Variants in THSD7A observed in about 807,000 individuals in gnomAD.
THSD7A encodes thrombospondin type 1 domain containing 7A.
Under a neutral mutation model 231.3 loss-of-function variants are expected in THSD7A, and 96 were observed. That is an observed-to-expected ratio of 0.41 (90% CI 0.35 to 0.49). The LOEUF (loss-of-function observed/expected upper bound fraction) is 0.49, where lower values mean the gene tolerates loss of function less well. Ranked by LOEUF, THSD7A falls within the 20% of genes least tolerant of loss-of-function variation. The probability of loss-of-function intolerance (pLI) is 0.05; values close to 1 mark genes in which losing one functional copy is unlikely to be tolerated. For missense variants in THSD7A, 2,290 were observed against 2,070.2 expected, an observed-to-expected ratio of 1.11 and a Z score of -2.06; for synonymous variants, 940 against 743.3, an observed-to-expected ratio of 1.26 and a Z score of -4.30.
In THSD7A at chr7:11,407,381, C is replaced by G; in HGVS notation, c.3841G>C (p.Val1281Leu). The G allele has an allele frequency of 6.2e-7, 1 of 1,613,572 alleles. No homozygotes were observed. Among genetic ancestry groups the G allele is most frequent in the Non-Finnish European group, 8.5e-7 (1 of 1,179,782 alleles). Residue 1281 changes from valine to leucine, a missense_variant, in exon 20 of 28, where the codon GTG (valine) becomes CTG (leucine). Coordinates refer to ENST00000423059, the MANE Select transcript of THSD7A (RefSeq NM_015204.3). The stretch of plus-strand genomic sequence containing the variant: ...AGCTGACAGTTCACAGGGCATTCCA[C>G]CATGCAGGACGTGTTCATCTGCCAG... ...KNWQMNTSCMVECPVNCQLSD... is the reference protein window; with the variant it reads ...KNWQMNTSCMLECPVNCQLSD...
In THSD7A at chr7:11,637,682, T is replaced by A. The variant is rs1031174588; in HGVS notation, c.191-721A>T. Among the ~76,000 whole-genome samples the A allele has an allele frequency of 4.6e-5, 7 of 152,208 alleles. No homozygotes were observed. The highest frequency in any genetic ancestry group is 1.3e-4 in the Admixed American group (2 of 15,278). ...ATTTTCTAATCATTGAGAGGTTATT[T>A]GGGGTCTTATTTATTTATTCATTTC... On this transcript the variant is annotated intron_variant, in intron 1 of 27. Transcript: ENST00000423059. The surrounding 1 kb of genome is among the most constrained non-coding windows in gnomAD (Gnocchi z 4.2).
intron 1 of THSD7A, among the ~76,000 whole-genome samples, chr7:11,796,428 C>G (rs769944909): frequency 9.9e-5 from 15 of 151,702 alleles, no homozygotes; most frequent in Admixed American, 6.6e-4. Context: ...CGACAGAAAT[C>G]CATTGCTATT....
At chr7:11,580,770 ATAAC>A (rs1243479443) in intron 4 of THSD7A, among the ~76,000 whole-genome samples, 1 of 152,102 alleles carries the variant, frequency 6.6e-6, no homozygotes, top group East Asian at 1.9e-4. Flanking sequence ...ATCAGGAAAA[ATAAC>A]TAACTAATGG....
At chr7:11,763,749 C>T (rs760930892) in intron 1 of THSD7A, among the ~76,000 whole-genome samples, 14 of 152,008 alleles carry the variant, frequency 9.2e-5, no homozygotes, top group Non-Finnish European at 1.6e-4. Context: ...AAATACGGTT[C>T]CTGCCTTTCT....
At chr7:11,443,786 C>T (rs1784877746) in intron 13 of THSD7A, among the ~76,000 whole-genome samples, 1 of 152,058 alleles carries the variant, frequency 6.6e-6, no homozygotes, top group South Asian at 2.1e-4. Context: ...AGAGTACATA[C>T]ATACTCCTGT....
chr7:11,550,859 T>C (rs1789599128), intron 4 of THSD7A, among the ~76,000 whole-genome samples: 1 of 152,096 alleles, frequency 6.6e-6, no homozygotes, highest in South Asian at 2.1e-4. Context: ...CTGAAATTAA[T>C]ATGGAACTGA....
chr7:11,696,015 T>C (rs906576459), intron 1 of THSD7A, among the ~76,000 whole-genome samples: 1 of 151,514 alleles, frequency 6.6e-6, no homozygotes, highest in Non-Finnish European at 1.5e-5. Context: ...AAGATTGTGA[T>C]ATAATATGAG....
chr7:11,458,244 G>T (rs1169009002), intron 11 of THSD7A, among the ~76,000 whole-genome samples: 1 of 152,020 alleles, frequency 6.6e-6, no homozygotes, highest in Non-Finnish European at 1.5e-5. Flanking sequence ...GATGAAAATA[G>T]CAAGAACTTG....
chr7:11,812,010 G>A lies in THSD7A; in HGVS notation c.190+19747C>T, dbSNP rs745748176. ...AAACACAACACAGGTGGTCAGACAA[G>A]GGAGGTGGGAGAGAAAAGAACCACT... On this transcript the variant is annotated intron_variant, in intron 1 of 27. Transcript: ENST00000423059. 5.3e-5 allele frequency among the ~76,000 whole-genome samples: 8 copies of A among 152,074 alleles called. No individual in the cohort carries two copies. The East Asian group carries it at 1.2e-3, about 22-fold the overall frequency.
chr7:11,778,173 A>G (rs1192766704), intron 1 of THSD7A, among the ~76,000 whole-genome samples: 17 of 148,294 alleles, frequency 1.1e-4, no homozygotes, highest in Admixed American at 1.1e-3. Flanking sequence ...AAAAAAAAAA[A>G]AAAAAGAAAG....
At chr7:11,516,206 C>T (rs976352282) in intron 6 of THSD7A, among the ~76,000 whole-genome samples, 3 of 152,072 alleles carry the variant, frequency 2.0e-5, no homozygotes, top group Admixed American at 2.0e-4. Context: ...CAAATAGGTT[C>T]AAACCCAAAA....
chr7:11,452,964 T>C lies in THSD7A; in HGVS notation c.2606-5540A>G, dbSNP rs193010432. Among the ~76,000 whole-genome samples, 919 of 152,072 alleles carry C rather than the reference T, an allele frequency of 6.0e-3. 3 individuals are homozygous for C. The highest frequency in any genetic ancestry group is 1.0e-2 in the Non-Finnish European group (678 of 67,942). On this transcript the variant is annotated intron_variant, in intron 11 of 27. Coordinates refer to ENST00000423059, the MANE Select transcript of THSD7A (RefSeq NM_015204.3). ...GATTAAAAATTACGTCTGTATAAAA[T>C]TTCCTTAAAGCAAGCTCCTTCTCTT...
intron 4 of THSD7A, among the ~76,000 whole-genome samples, chr7:11,554,246 A>C (rs529020322): frequency 1.3e-5 from 2 of 152,152 alleles, no homozygotes; most frequent in East Asian, 3.9e-4. Flanking sequence ...GATTAAGGTG[A>C]GCCCTAAATC....
In THSD7A at chr7:11,586,373, A is replaced by G. The variant is rs1196031225; in HGVS notation, c.1453+4087T>C. On this transcript the variant is annotated intron_variant, in intron 4 of 27. Transcript: ENST00000423059. Reference sequence around the variant, plus strand: ...TTAGCAAAATAGAAAGTAAAAATAAACCACTCCCTTTCCTAAACGACTTAA... The same window carrying G: ...TTAGCAAAATAGAAAGTAAAAATAAGCCACTCCCTTTCCTAAACGACTTAA... Among the ~76,000 whole-genome samples the G allele has an allele frequency of 2.6e-5, 4 of 152,160 alleles. No homozygotes were observed. In the South Asian group the frequency reaches 6.2e-4, roughly 24 times the overall value.
At chr7:11,483,635 AATG>A (rs1297381437) in intron 6 of THSD7A, among the ~76,000 whole-genome samples, 1 of 152,164 alleles carries the variant, frequency 6.6e-6, no homozygotes, top group African/African-American at 2.4e-5. Flanking sequence ...TTGACATAAT[AATG>A]ATGACTCTTT....
chr7:11,660,479 TGAAA>T (rs746866516), intron 1 of THSD7A, among the ~76,000 whole-genome samples: 1 of 151,400 alleles, frequency 6.6e-6, no homozygotes, highest in Non-Finnish European at 1.5e-5. Flanking sequence ...TGATGTCATG[TGAAA>T]TAGAAGTGTA....
intron 6 of THSD7A, among the ~76,000 whole-genome samples, chr7:11,495,724 C>G (rs1013933813): frequency 7.0e-4 from 106 of 152,162 alleles, no homozygotes; most frequent in African/African-American, 2.5e-3. Flanking sequence ...TGTGATCAAA[C>G]AAGGAGAGAA....
chr7:11,617,251 T>C (rs2128351395), intron 2 of THSD7A, among the ~76,000 whole-genome samples: 1 of 152,302 alleles, frequency 6.6e-6, no homozygotes, highest in African/African-American at 2.4e-5. Flanking sequence ...ATGCATAACA[T>C]ACACACATGC....
At chr7:11,504,975 C>G (rs1000896295) in intron 6 of THSD7A, among the ~76,000 whole-genome samples, 1 of 151,994 alleles carries the variant, frequency 6.6e-6, no homozygotes, top group Non-Finnish European at 1.5e-5. Context: ...TATGTAATAT[C>G]TTTGTTGTAG....
Sources: allele counts gnomAD v4.1 joint callset (sites outside exome capture counted in the v4.1 genomes callset), GRCh38; gene constraint gnomAD v4.1.1; non-coding constraint Gnocchi (gnomAD v3.1); transcripts MANE v1.5; gene names NCBI Gene and HGNC (gene_info 2026-07-23, HGNC 2026-07-21).